UNC5C: variants seen among roughly 807,000 people sequenced by gnomAD.
UNC5C encodes the protein unc-5 netrin receptor C.
In UNC5C, 47 loss-of-function variants were observed where a neutral mutation model predicts 99.8. That is an observed-to-expected ratio of 0.47 (90% CI 0.37 to 0.60). The LOEUF (loss-of-function observed/expected upper bound fraction) is 0.60. UNC5C is among the 20% of genes least tolerant of loss of function. UNC5C has a pLI of 0.00. For synonymous variants in UNC5C, 487 were observed against 452.2 expected, an observed-to-expected ratio of 1.08 and a Z score of -0.98; for missense variants, 1,062 against 1,165.9, an observed-to-expected ratio of 0.91 and a Z score of 1.30.
At chr4:95,490,543 A>C (rs558349080) in intron 1 of UNC5C, among the ~76,000 whole-genome samples, 1 of 151,772 alleles carries the variant, frequency 6.6e-6, no homozygotes, top group Non-Finnish European at 1.5e-5. Context: ...ATTCATCTGC[A>C]TTTTAGTGAG....
intron 1 of UNC5C, among the ~76,000 whole-genome samples, chr4:95,361,639 T>C (rs1463048930): frequency 6.6e-6 from 1 of 151,962 alleles, no homozygotes; most frequent in Non-Finnish European, 1.5e-5. Flanking sequence ...TAGAACCACA[T>C]CCAAATCAAA....
At chr4:95,509,288 G>A (rs1722003479) in intron 1 of UNC5C, among the ~76,000 whole-genome samples, 1 of 151,572 alleles carries the variant, frequency 6.6e-6, no homozygotes, top group Admixed American at 6.6e-5. Context: ...TCTGATGATA[G>A]TAAGTCAGAG....
At chr4:95,499,207 C>T (rs1721707559) in intron 1 of UNC5C, among the ~76,000 whole-genome samples, 1 of 152,084 alleles carries the variant, frequency 6.6e-6, no homozygotes, top group African/African-American at 2.4e-5. Flanking sequence ...AGAAGGAATA[C>T]TCTGGATATA....
Position 95,467,168 on chromosome 4 carries a change from T to C in UNC5C, c.124+81566A>G, listed in dbSNP as rs1455391204. Reference sequence around the variant, plus strand: ...AGGTTAACTGCTCTCTAATGAGAGATTCTGAGCTAGAGCCAACTATCTAAG... The same window carrying C: ...AGGTTAACTGCTCTCTAATGAGAGACTCTGAGCTAGAGCCAACTATCTAAG... On this transcript the variant is annotated intron_variant, in intron 1 of 15. Transcript: ENST00000453304. Among the ~76,000 whole-genome samples, 4 of 152,164 alleles carry C rather than the reference T, an allele frequency of 2.6e-5. No homozygotes were observed. The East Asian group carries it at 7.7e-4, about 29-fold the overall frequency.
At chr4:95,300,526 T>C (rs1460586668) in intron 3 of UNC5C, among the ~76,000 whole-genome samples, 1 of 152,146 alleles carries the variant, frequency 6.6e-6, no homozygotes, top group Admixed American at 6.5e-5. Flanking sequence ...TTTATCTTGG[T>C]AATCTCTATT....
intron 1 of UNC5C, among the ~76,000 whole-genome samples, chr4:95,415,061 G>A (rs1282106216): frequency 6.6e-6 from 1 of 152,110 alleles, no homozygotes; most frequent in South Asian, 2.1e-4. Flanking sequence ...TCGCAGCCAA[G>A]GATTTCTTTC....
At chr4:95,316,265 T>C (rs930908207) in intron 2 of UNC5C, among the ~76,000 whole-genome samples, 2 of 152,192 alleles carry the variant, frequency 1.3e-5, no homozygotes, top group Non-Finnish European at 1.5e-5. Context: ...TCAAAATAAA[T>C]GTTATTACAA....
chr4:95,484,583 T>C (rs1721270985), intron 1 of UNC5C, among the ~76,000 whole-genome samples: 1 of 151,832 alleles, frequency 6.6e-6, no homozygotes, highest in African/African-American at 2.4e-5. Flanking sequence ...CTGGTGACCT[T>C]ATACATGGTT....
chr4:95,327,793 C>G (rs557018792), intron 2 of UNC5C, among the ~76,000 whole-genome samples: 14 of 152,176 alleles, frequency 9.2e-5, no homozygotes, highest in Admixed American at 8.5e-4. Context: ...TCCAGCTCCC[C>G]TTCTGCTGAG....
chr4:95,548,465 A>C (rs991085738), intron 1 of UNC5C, among the ~76,000 whole-genome samples: 1 of 151,978 alleles, frequency 6.6e-6, no homozygotes, highest in Non-Finnish European at 1.5e-5. Context: ...TCCCACACGT[A>C]TGGAGACGGA....
intron 7 of UNC5C, among the ~76,000 whole-genome samples, chr4:95,236,721 A>G (rs1739132321): frequency 1.3e-5 from 2 of 152,186 alleles, no homozygotes; most frequent in African/African-American, 2.4e-5. Context: ...CACGCTTATC[A>G]CTAAATACAT....
At chr4:95,356,961 G>T (rs1744226517) in intron 1 of UNC5C, among the ~76,000 whole-genome samples, 1 of 152,134 alleles carries the variant, frequency 6.6e-6, no homozygotes, top group Admixed American at 6.5e-5. Flanking sequence ...CAGGTATTAA[G>T]GGGAAGACCT....
At chr4:95,435,285 C>T (rs1393201227) in intron 1 of UNC5C, among the ~76,000 whole-genome samples, 1 of 150,330 alleles carries the variant, frequency 6.7e-6, no homozygotes, top group Admixed American at 6.7e-5. Flanking sequence ...CATAATGGTA[C>T]ACAGAAAAAT....
At chr4:95,483,120 A>G (rs1721219038) in intron 1 of UNC5C, among the ~76,000 whole-genome samples, 1 of 151,138 alleles carries the variant, frequency 6.6e-6, no homozygotes, top group African/African-American at 2.4e-5. Flanking sequence ...CTAATCGTAT[A>G]TGCCTGGGTT....
intron 2 of UNC5C, among the ~76,000 whole-genome samples, chr4:95,313,512 C>T (rs988454579): frequency 1.2e-4 from 19 of 152,164 alleles, no homozygotes; most frequent in African/African-American, 4.6e-4. Context: ...TCCTTATTGA[C>T]CCTCTAAAAA....
intron 1 of UNC5C, among the ~76,000 whole-genome samples, chr4:95,445,823 G>A (rs1383579857): frequency 6.6e-6 from 1 of 152,136 alleles, no homozygotes; most frequent in Non-Finnish European, 1.5e-5. Context: ...GTCTTCAGCT[G>A]CTCAGTGAAA....
chr4:95,263,106 T>C (rs1395402479), intron 4 of UNC5C, among the ~76,000 whole-genome samples: 1 of 152,178 alleles, frequency 6.6e-6, no homozygotes, highest in Non-Finnish European at 1.5e-5. Flanking sequence ...TGAGCCATTG[T>C]GCCTGGCAAG....
chr4:95,201,211 A>G (rs921943538), intron 12 of UNC5C, among the ~76,000 whole-genome samples: 20 of 152,062 alleles, frequency 1.3e-4, no homozygotes, highest in African/African-American at 4.8e-4. Context: ...GACAGGCACA[A>G]TCTCTACACC....
chr4:95,469,052 T>C (rs991576093), intron 1 of UNC5C, among the ~76,000 whole-genome samples: 4 of 152,112 alleles, frequency 2.6e-5, no homozygotes, highest in African/African-American at 9.7e-5. Context: ...GCAGTTCCAG[T>C]CATAACCCTG....
Sources: allele counts gnomAD v4.1 joint callset (sites outside exome capture counted in the v4.1 genomes callset), GRCh38; gene constraint gnomAD v4.1.1; transcripts MANE v1.5; gene names NCBI Gene and HGNC (gene_info 2026-07-23, HGNC 2026-07-21).